The following RUNDC3B variants were observed in gnomAD, a reference collection of about 807,000 sequenced individuals.
RUNDC3B encodes the protein RUN domain-containing protein 3B.
Under a neutral mutation model 58.4 loss-of-function variants are expected in RUNDC3B, and 33 were observed. That is an observed-to-expected ratio of 0.56 (90% CI 0.43 to 0.75). The LOEUF is 0.75. RUNDC3B is among the 30% of genes least tolerant of loss of function. The probability of loss-of-function intolerance (pLI) is 0.00; values close to 1 mark genes in which losing one functional copy is unlikely to be tolerated. For missense variants in RUNDC3B, 501 were observed against 535.7 expected, an observed-to-expected ratio of 0.94 and a Z score of 0.64; for synonymous variants, 193 against 195.2, an observed-to-expected ratio of 0.99 and a Z score of 0.10.
chr7:87,658,781 G>A (rs1451431355), intron 2 of RUNDC3B, among the ~76,000 whole-genome samples: 1 of 152,132 alleles, frequency 6.6e-6, no homozygotes, highest in Non-Finnish European at 1.5e-5. Context: ...CAGCAATGAA[G>A]GAAACATTAA....
intron 4 of RUNDC3B, among the ~76,000 whole-genome samples, chr7:87,720,892 G>C (rs371709494): frequency 5.2e-4 from 1 of 1,938 alleles, no homozygotes; most frequent in African/African-American, 2.0e-3. Context: ...GAGCCCTCGT[G>C]TTTGGACATT....
At chr7:87,638,215 A>C (rs1404520803) in intron 1 of RUNDC3B, among the ~76,000 whole-genome samples, 1 of 152,114 alleles carries the variant, frequency 6.6e-6, no homozygotes, top group Non-Finnish European at 1.5e-5. Flanking sequence ...TTAGGGTGTT[A>C]ATATTTTGGG....
intron 7 of RUNDC3B, among the ~76,000 whole-genome samples, chr7:87,772,763 G>T (rs190220590): frequency 6.6e-6 from 1 of 152,160 alleles, no homozygotes; most frequent in East Asian, 1.9e-4. Context: ...ATAACCAGAA[G>T]AGTCAACACC....
chr7:87,667,024 A>T (rs1248593346), intron 2 of RUNDC3B, among the ~76,000 whole-genome samples: 1 of 152,166 alleles, frequency 6.6e-6, no homozygotes, highest in Non-Finnish European at 1.5e-5. Context: ...TAGTTCTGTG[A>T]AGAATGTCAC....
intron 1 of RUNDC3B, 95 bp downstream of exon 1, chr7:87,629,040 C>CT: frequency 8.5e-7 from 1 of 1,171,784 alleles, no homozygotes; most frequent in Non-Finnish European, 1.1e-6. Flanking sequence ...GCATGATGGG[C>CT]TGCCGCCCAG....
chr7:87,820,838 G>A (rs9768465), intron 10 of RUNDC3B, among the ~76,000 whole-genome samples: 12,943 of 150,230 alleles, frequency 0.086, 626 homozygotes, highest in African/African-American at 0.14. Context: ...AAATTCAACA[G>A]CCCTTCATGC....
chr7:87,818,759 G>A (rs748033910), intron 10 of RUNDC3B, among the ~76,000 whole-genome samples: 2 of 152,120 alleles, frequency 1.3e-5, no homozygotes, highest in Non-Finnish European at 2.9e-5. Flanking sequence ...GGATGTTTGT[G>A]GCAGGCTTAG....
chr7:87,693,950 C>G, intron 2 of RUNDC3B: 2 of 1,611,490 alleles, frequency 1.2e-6, no homozygotes, highest in Non-Finnish European at 1.7e-6. Context: ...CTCCAAATAC[C>G]TCTTCAAGGT....
intron 1 of RUNDC3B, among the ~76,000 whole-genome samples, chr7:87,633,144 TA>T (rs1563088846): frequency 6.6e-6 from 1 of 152,256 alleles, no homozygotes; most frequent in Non-Finnish European, 1.5e-5. Context: ...GAGAAGCTTA[TA>T]TTTTTATACA....
intron 6 of RUNDC3B, among the ~76,000 whole-genome samples, chr7:87,753,984 A>G (rs1175181183): frequency 1.3e-5 from 2 of 152,206 alleles, no homozygotes; most frequent in East Asian, 3.8e-4. Context: ...GTATAAAAGT[A>G]CATTCCAAGA....
In RUNDC3B at chr7:87,831,484, C is replaced by G. The variant is rs550471493; in HGVS notation, c.*1454C>G. On this transcript the variant is annotated 3_prime_UTR_variant, in exon 11 of 11. Coordinates refer to ENST00000394654, the MANE Select transcript of RUNDC3B (RefSeq NM_001134405.2). The stretch of plus-strand genomic sequence containing the variant: ...ACAGTGTCACTTCAGGGACAAAGGC[C>G]TGGAAGCCCTTAAAATAAGTTATCT... 6.6e-6 allele frequency: 1 copy of G among 152,004 alleles called. No homozygotes were observed. Among genetic ancestry groups the G allele is most frequent in the South Asian group, 2.1e-4 (1 of 4,826 alleles). 9.4% of individuals were successfully genotyped at this position (152,004 alleles called of 1,614,324 possible).
chr7:87,727,957 G>A (rs765546084), intron 4 of RUNDC3B, among the ~76,000 whole-genome samples: 4 of 151,974 alleles, frequency 2.6e-5, no homozygotes, highest in Non-Finnish European at 4.4e-5. Flanking sequence ...GAGGAAATGA[G>A]GAATCATTAT....
chr7:87,727,675 C>T (rs576022083), intron 4 of RUNDC3B, among the ~76,000 whole-genome samples: 16 of 152,058 alleles, frequency 1.1e-4, no homozygotes, highest in African/African-American at 1.9e-4. Flanking sequence ...ATTCCTTGAG[C>T]GTGTATTGAG....
chr7:87,683,563 G>A (rs1827148500), intron 2 of RUNDC3B, among the ~76,000 whole-genome samples: 1 of 152,174 alleles, frequency 6.6e-6, no homozygotes, highest in Admixed American at 6.5e-5. Context: ...AGAGAGATGG[G>A]AAATGGCCGG....
chr7:87,674,731 G>C (rs1032915826), intron 2 of RUNDC3B, among the ~76,000 whole-genome samples: 1 of 152,134 alleles, frequency 6.6e-6, no homozygotes, highest in Non-Finnish European at 1.5e-5. Flanking sequence ...GAAGCACCCT[G>C]GTTGGGCATC....
At chr7:87,794,629 A>C (rs76769672) in intron 8 of RUNDC3B, among the ~76,000 whole-genome samples, 2,180 of 151,940 alleles carry the variant, frequency 0.014, 24 homozygotes, top group Non-Finnish European at 0.018. Flanking sequence ...TAGAAACAAA[A>C]AAAAAAAAAA....
intron 6 of RUNDC3B, among the ~76,000 whole-genome samples, chr7:87,748,186 C>T (rs1386978000): frequency 4.6e-5 from 7 of 152,164 alleles, no homozygotes; most frequent in African/African-American, 1.2e-4. Context: ...GTATTTTGCT[C>T]GGCTCTCCAG....
chr7:87,713,520 G>T (rs961945781), intron 4 of RUNDC3B, among the ~76,000 whole-genome samples: 3 of 151,990 alleles, frequency 2.0e-5, no homozygotes, highest in African/African-American at 7.3e-5. Context: ...ACGTCTTAAT[G>T]AGCAGTTGAA....
At chr7:87,679,775 AAGATC>A (rs1247510577) in intron 2 of RUNDC3B, among the ~76,000 whole-genome samples, 2 of 150,502 alleles carry the variant, frequency 1.3e-5, no homozygotes, top group African/African-American at 4.9e-5. Context: ...AACATTAAAA[AAGATC>A]TTATTCTGAG....
Sources: gnomAD v4.1 joint callset for allele counts (sites outside exome capture counted in the v4.1 genomes callset) on GRCh38, gnomAD v4.1.1 for gene constraint, MANE v1.5 for transcripts, NCBI Gene and HGNC (gene_info 2026-07-23, HGNC 2026-07-21) for gene names.